The following LCN15 variants were observed in gnomAD, a reference collection of about 807,000 sequenced individuals.
LCN15 encodes lipocalin 15, also known as lipocalin-15.
Under a neutral mutation model 23.1 loss-of-function variants are expected in LCN15, and 26 were observed. The ratio of observed to expected loss-of-function variants is 1.13; its 90% CI spans 0.82 to 1.56. The LOEUF is 1.56. LCN15 is among the 40% of genes most tolerant of loss of function. LCN15 has a pLI of 0.00. For missense variants in LCN15, 241 were observed against 239.5 expected, an observed-to-expected ratio of 1.01 and a Z score of -0.04; for synonymous variants, 107 against 98.3, an observed-to-expected ratio of 1.09 and a Z score of -0.52.
At chr9:136,762,916 CCATATTAAAAA>C (rs1847335569) in intron 4 of LCN15, among the ~76,000 whole-genome samples, 1 of 81,254 alleles carries the variant, frequency 1.2e-5, no homozygotes, top group East Asian at 4.2e-4. Flanking sequence ...GAGTGAGACT[CCATATTAAAAA>C]AAAAAAAAAA....
chr9:136,764,123 T>C, intron 1 of LCN15, 114 bp from the exon 2 acceptor site: 1 of 1,371,448 alleles, frequency 7.3e-7, no homozygotes, highest in East Asian at 2.3e-5. Context: ...GGAGTGGCCA[T>C]GTCTTGGGTG....
intron 1 of LCN15, 162 bp downstream of exon 1, chr9:136,764,231 A>T (rs1182393875): frequency 7.4e-6 from 6 of 810,574 alleles, no homozygotes; most frequent in Non-Finnish European, 1.2e-5. Context: ...GTAATGATCC[A>T]TTCACAGGTT....
In LCN15 at chr9:136,763,346, C is replaced by A; in HGVS notation, c.418+11G>T. 6.9e-7 allele frequency: 1 copy of A among 1,455,804 alleles called. No homozygotes were observed. Among genetic ancestry groups the A allele is most frequent in the Non-Finnish European group, 9.3e-7 (1 of 1,071,848 alleles). 90.2% of individuals were successfully genotyped at this position (1,455,804 alleles called of 1,614,324 possible). On this transcript the variant is annotated intron_variant, in intron 4 of 6. Coordinates refer to ENST00000316144, the MANE Select transcript of LCN15 (RefSeq NM_203347.2). ...GAGGGGCCAGTGCGGGGAGGTGGGA[C>A]AGGCACTCACTGTAGAGCTGCACCA...
intron 4 of LCN15, 58 bp downstream of exon 4, chr9:136,763,299 G>T (rs947071763): frequency 3.1e-6 from 3 of 970,974 alleles, no homozygotes; most frequent in Non-Finnish European, 4.5e-6. Flanking sequence ...AGAACGGGGG[G>T]CGGGGCCTGT....
intron 4 of LCN15, 82 bp downstream of exon 4, chr9:136,763,266 AGGCGGGCGG>A: frequency 1.9e-6 from 1 of 518,168 alleles, no homozygotes; most frequent in East Asian, 3.6e-5. Context: ...GCGGGGCGGC[AGGCGGGCGG>A]GGCGGGGGTA....
intron 6 of LCN15, among the ~76,000 whole-genome samples, chr9:136,760,607 C>T (rs564113485): frequency 1.3e-5 from 2 of 152,344 alleles, no homozygotes; most frequent in Admixed American, 6.5e-5. Context: ...CGGTGAGCCC[C>T]GGCGAGGGAC....
In LCN15 at chr9:136,761,985, C is replaced by A; in HGVS notation, c.521-132G>T. ...CCAGAGAGTGGAGCCCAGAGCTTCC[C>A]TCCCAGCGCTGCCCAAAGCCTCTCC... is the stretch of plus-strand genomic sequence containing the variant. On this transcript the variant is annotated intron_variant, in intron 5 of 6. Coordinates refer to ENST00000316144, the MANE Select transcript of LCN15 (RefSeq NM_203347.2). The surrounding 1 kb of genome is among the most constrained non-coding windows in gnomAD (Gnocchi z 4.2). The A allele has an allele frequency of 1.2e-6, 1 of 832,326 alleles. No homozygotes were observed. Among genetic ancestry groups the A allele is most frequent in the African/African-American group, 1.8e-5 (1 of 55,714 alleles). 51.6% of individuals were successfully genotyped at this position (832,326 alleles called of 1,614,324 possible).
At position 136,763,922 on chromosome 9, in the gene LCN15, C is replaced by T; in HGVS notation, c.184G>A (p.Ala62Thr). The T allele has an allele frequency of 1.2e-6, 2 of 1,613,696 alleles. No individual in the cohort carries two copies. The highest frequency in any genetic ancestry group is 1.7e-6 in the Non-Finnish European group (2 of 1,179,982). Residue 62 changes from alanine (A) to threonine (T), a missense_variant, in exon 2 of 7, where the codon GCC becomes ACC. By Grantham distance (58) the Ala-to-Thr change is moderately conservative. Transcript: ENST00000316144. ...KKDHLSMSTR[A>T]IRPTEEGGLH... ...CCGCCCTCCTCTGTGGGCCTGATGG[C>T]CCTGGTGGACATGGACAGGTGGTCC...
chr9:136,762,170 CG>C lies in LCN15; in HGVS notation c.520+17del. On this transcript the variant is annotated intron_variant, in intron 5 of 6. Transcript: ENST00000316144. The stretch of plus-strand genomic sequence containing the variant: ...GAGAGGCTGGGGGGCATGGGGTGGG[CG>C]GGGCTTGCCAGGGTACCTGACTGGG... The C allele has an allele frequency of 7.4e-7, 1 of 1,346,786 alleles. No individual in the cohort carries two copies. The highest frequency in any genetic ancestry group is 1.0e-6 in the Non-Finnish European group (1 of 999,196). 83.4% of individuals were successfully genotyped at this position (1,346,786 alleles called of 1,614,324 possible). A position where few individuals can be genotyped will look rare whatever the true frequency, so the allele number is the denominator to read the frequency against.
intron 1 of LCN15, 120 bp downstream of exon 1, chr9:136,764,273 G>A (rs1847355276): frequency 1.0e-6 from 1 of 997,970 alleles, no homozygotes; most frequent in Non-Finnish European, 1.5e-6. Context: ...TGGGTCTATA[G>A]CACGTGCCTG....
Position 136,763,343 on chromosome 9 carries a change from G to C in LCN15, c.418+14C>G. 7.0e-7 allele frequency: 1 copy of C among 1,427,374 alleles called. No individual in the cohort carries two copies. The highest frequency in any genetic ancestry group is 9.5e-7 in the Non-Finnish European group (1 of 1,047,916). 88.4% of individuals were successfully genotyped at this position (1,427,374 alleles called of 1,614,324 possible). ...GGGGAGGGGCCAGTGCGGGGAGGTG[G>C]GACAGGCACTCACTGTAGAGCTGCA... On this transcript the variant is annotated intron_variant, in intron 4 of 6. Transcript: ENST00000316144.
Position 136,763,735 on chromosome 9 carries a change from G to A in LCN15, c.285C>T (p.Ser95=), listed in dbSNP as rs1051421172. 7 of 1,613,256 alleles carry A rather than the reference G, an allele frequency of 4.3e-6. No individual in the cohort carries two copies. Among genetic ancestry groups the A allele is most frequent in the East Asian group, 4.5e-5 (2 of 44,898 alleles). ...QVDAEYLKVG[S]EGHFRVPALG... ...TACCCGGGACTCTGAAGTGTCCCTCGGAGCCCACCTTCAGGTACTCGGCAT... is the reference window on the plus strand; with the variant it reads ...TACCCGGGACTCTGAAGTGTCCCTCAGAGCCCACCTTCAGGTACTCGGCAT... The change falls in exon 3 of 7, where the codon TCC becomes TCT. Residue 95 remains serine (S), a synonymous_variant. Coordinates refer to ENST00000316144, the MANE Select transcript of LCN15 (RefSeq NM_203347.2).
At chr9:136,760,273 T>C (rs1847301352) in intron 6 of LCN15, among the ~76,000 whole-genome samples, 1 of 152,152 alleles carries the variant, frequency 6.6e-6, no homozygotes, top group African/African-American at 2.4e-5. Flanking sequence ...ACAAGGGCGA[T>C]TTGGTGTTGC....
intron 4 of LCN15, among the ~76,000 whole-genome samples, chr9:136,762,718 G>A (rs1166491526): frequency 3.3e-5 from 5 of 152,054 alleles, no homozygotes; most frequent in African/African-American, 1.2e-4. Context: ...TGGCTAACAC[G>A]GTGAAACCCC....
intron 1 of LCN15, 96 bp from the exon 2 acceptor site, chr9:136,764,105 G>A (rs1847353992): frequency 1.3e-6 from 2 of 1,500,156 alleles, no homozygotes; most frequent in Admixed American, 3.7e-5. Context: ...CACACAGCAA[G>A]GGGTCTCGGA....
rs1334697740 is a variant in LCN15 at position 136,762,184 on chromosome 9, G to A, written c.520+4C>T. On this transcript the variant is annotated splice_donor_region_variant and intron_variant, in intron 5 of 6. Transcript: ENST00000316144. The stretch of plus-strand genomic sequence containing the variant: ...CATGGGGTGGGCGGGGCTTGCCAGG[G>A]TACCTGACTGGGGCAGCATGACCAT... The A allele has an allele frequency of 1.3e-6, 2 of 1,560,680 alleles. No homozygotes were observed. The highest frequency in any genetic ancestry group is 1.9e-5 in the Admixed American group (1 of 53,190).
chr9:136,762,092 G>C, intron 5 of LCN15, 96 bp downstream of exon 5: 1 of 838,602 alleles, frequency 1.2e-6, no homozygotes, highest in Non-Finnish European at 1.8e-6. Context: ...CCTGCTGCCC[G>C]CACACTGCCT....
At chr9:136,762,311 G>A (rs766575187) in intron 4 of LCN15, 22 bp from the exon 5 acceptor site, 4 of 1,405,424 alleles carry the variant, frequency 2.8e-6, no homozygotes, top group Non-Finnish European at 4.0e-6. Context: ...AGAGGTCACT[G>A]TGAACTCAGC....
At position 136,761,006 on chromosome 9, in the gene LCN15, G is replaced by A. The variant is rs1362249592; in HGVS notation, c.*32+781C>T. Among the ~76,000 whole-genome samples the A allele has an allele frequency of 6.6e-6, 1 of 152,222 alleles. No homozygotes were observed. The highest frequency in any genetic ancestry group is 2.1e-4 in the South Asian group (1 of 4,828). ...CTAAGAAGAGGGCCGTGGGGCACTCGCTTCGGCAGCACAGACACTAGGGGG... is the reference window on the plus strand; with the variant it reads ...CTAAGAAGAGGGCCGTGGGGCACTCACTTCGGCAGCACAGACACTAGGGGG... On this transcript the variant is annotated intron_variant, in intron 6 of 6. Coordinates refer to ENST00000316144, the MANE Select transcript of LCN15 (RefSeq NM_203347.2). This position sits in a 1 kb window ranked among gnomAD's most constrained non-coding sequence, Gnocchi z 4.2.
Sources: gnomAD v4.1 joint callset for allele counts (sites outside exome capture counted in the v4.1 genomes callset) on GRCh38, gnomAD v4.1.1 for gene constraint, Gnocchi (gnomAD v3.1) non-coding constraint, MANE v1.5 for transcripts, NCBI Gene and HGNC (gene_info 2026-07-23, HGNC 2026-07-21) for gene names.